The following SNTG1 variants were observed in gnomAD, a reference collection of about 807,000 sequenced individuals.
SNTG1 encodes gamma-1-syntrophin.
In SNTG1, 39 loss-of-function variants were observed where a neutral mutation model predicts 74.7. That is an observed-to-expected ratio of 0.52 (90% confidence interval 0.40 to 0.68). SNTG1 has a LOEUF of 0.68. Among genes scored for constraint, SNTG1 ranks in the 30% least tolerant of loss-of-function variants. The pLI is 0.00. For synonymous variants in SNTG1, 254 were observed against 217.1 expected (o/e 1.17, Z -1.49); for missense variants, 685 against 609.5 (o/e 1.12, Z -1.30).
chr8:50,638,290 G>A (rs2095051456), intron 13 of SNTG1, among the ~76,000 whole-genome samples: 1 of 152,078 alleles, frequency 6.6e-6, no homozygotes, highest in Non-Finnish European at 1.5e-5. Context: ...TAATACATTT[G>A]TGCTGTTATA....
At chr8:50,777,890 C>T (rs968418390) in intron 18 of SNTG1, among the ~76,000 whole-genome samples, 2 of 151,916 alleles carry the variant, frequency 1.3e-5, no homozygotes, top group African/African-American at 4.8e-5. Flanking sequence ...GTGTGATGTT[C>T]CCCTTCCTGT....
At chr8:50,023,505 G>C (rs75488326) in intron 1 of SNTG1, among the ~76,000 whole-genome samples, 9 of 152,088 alleles carry the variant, frequency 5.9e-5, no homozygotes, top group African/African-American at 2.2e-4. Context: ...CGATCAGTAT[G>C]AGGTTCAGAG....
At chr8:50,306,729 T>A (rs577032736) in intron 2 of SNTG1, among the ~76,000 whole-genome samples, 22 of 152,096 alleles carry the variant, frequency 1.4e-4, no homozygotes, top group African/African-American at 5.1e-4. Flanking sequence ...TTTGCCTACT[T>A]TTTGATGGAT....
intron 2 of SNTG1, among the ~76,000 whole-genome samples, chr8:50,254,828 G>A: frequency 6.8e-6 from 1 of 147,092 alleles, no homozygotes; most frequent in Non-Finnish European, 1.5e-5. Flanking sequence ...ACTCCAGCCT[G>A]GGCGACAGAG....
At chr8:50,365,479 C>G (rs1468481124) in intron 2 of SNTG1, among the ~76,000 whole-genome samples, 2 of 151,940 alleles carry the variant, frequency 1.3e-5, no homozygotes, top group Non-Finnish European at 2.9e-5. Flanking sequence ...TATAAACTTT[C>G]CCTTTGAAAT....
At chr8:50,600,897 C>T (rs565299225) in intron 13 of SNTG1, among the ~76,000 whole-genome samples, 218 of 151,310 alleles carry the variant, frequency 1.4e-3, no homozygotes, top group African/African-American at 5.0e-3. Context: ...TAGCTGGGCA[C>T]GGTGGCTCAC....
At chr8:50,470,220 C>A (rs1049140917) in intron 8 of SNTG1, among the ~76,000 whole-genome samples, 8 of 152,214 alleles carry the variant, frequency 5.3e-5, no homozygotes, top group Non-Finnish European at 1.0e-4. Flanking sequence ...TTTAGCCGAA[C>A]CTAATACTCC....
Position 50,741,253 on chromosome 8 carries a change from G to A in SNTG1, c.1285-10748G>A, listed in dbSNP as rs142732900. Among the ~76,000 whole-genome samples, 954 of 152,020 alleles carry A rather than the reference G, an allele frequency of 6.3e-3. 4 individuals are homozygous for A. The highest frequency in any genetic ancestry group is 0.011 in the Admixed American group (165 of 15,242). On this transcript the variant is annotated intron_variant, in intron 17 of 18. Transcript: ENST00000642720. Reference sequence around the variant, plus strand: ...AATTCTTCTTCCTCAGCCTCCTGAGGCTGGCATTACAGGTGTGTGCCACCA... The same window carrying A: ...AATTCTTCTTCCTCAGCCTCCTGAGACTGGCATTACAGGTGTGTGCCACCA...
intron 1 of SNTG1, among the ~76,000 whole-genome samples, chr8:50,008,477 G>A (rs1815461603): frequency 6.6e-6 from 1 of 152,102 alleles, no homozygotes; most frequent in Non-Finnish European, 1.5e-5. Context: ...ATTATGTAAA[G>A]TTTATTACGG....
At chr8:50,739,273 A>C (rs2095537027) in intron 17 of SNTG1, among the ~76,000 whole-genome samples, 1 of 152,098 alleles carries the variant, frequency 6.6e-6, no homozygotes, top group South Asian at 2.1e-4. Flanking sequence ...AGACACTCTC[A>C]AAAAAAGACA....
intron 2 of SNTG1, among the ~76,000 whole-genome samples, chr8:50,269,748 A>G (rs2087678506): frequency 6.6e-6 from 1 of 152,166 alleles, no homozygotes; most frequent in Non-Finnish European, 1.5e-5. Context: ...AGAGAAAAAA[A>G]ACAGAGTTTT....
chr8:50,595,473 CA>C (rs2094721214), intron 13 of SNTG1, among the ~76,000 whole-genome samples: 1 of 151,916 alleles, frequency 6.6e-6, no homozygotes, highest in Admixed American at 6.6e-5. Context: ...TTATGTATTA[CA>C]GTTAAAATAA....
Position 50,212,120 on chromosome 8 carries a change from T to C in SNTG1, c.-28+39485T>C, listed in dbSNP as rs190982744. Among the ~76,000 whole-genome samples the C allele has an allele frequency of 1.6e-4, 25 of 152,256 alleles. No homozygotes were observed. The East Asian group carries it at 3.7e-3, about 22-fold the overall frequency. ...CTTTCTCTCAAAACTGGTTTTTTTT[T>C]CTCTCATTTTCTTCATCAGCGGACT... On this transcript the variant is annotated intron_variant, in intron 2 of 18. Coordinates refer to ENST00000642720, the MANE Select transcript of SNTG1 (RefSeq NM_018967.5).
chr8:50,445,801 G>A (rs1383094535), intron 5 of SNTG1, among the ~76,000 whole-genome samples: 2 of 152,154 alleles, frequency 1.3e-5, no homozygotes, highest in Admixed American at 6.5e-5. Flanking sequence ...GGTGATGAAA[G>A]CCTTGCCTGG....
At chr8:50,706,444 C>A (rs73571214) in intron 16 of SNTG1, among the ~76,000 whole-genome samples, 372 of 152,160 alleles carry the variant, frequency 2.4e-3, no homozygotes, top group African/African-American at 8.6e-3. Context: ...TAGTCCACTT[C>A]GCTTGGAAAC....
chr8:49,947,502 C>T (rs951149974), intron 1 of SNTG1, among the ~76,000 whole-genome samples: 11 of 152,140 alleles, frequency 7.2e-5, no homozygotes, highest in Admixed American at 6.5e-4. Flanking sequence ...CTGATACACA[C>T]GTACACAGTA....
intron 17 of SNTG1, among the ~76,000 whole-genome samples, chr8:50,729,737 C>T (rs1184217558): frequency 6.6e-6 from 1 of 152,076 alleles, no homozygotes; most frequent in Non-Finnish European, 1.5e-5. Context: ...GGAGGATAGG[C>T]AAGAAGGATA....
At chr8:50,311,318 T>C (rs189135051) in intron 2 of SNTG1, among the ~76,000 whole-genome samples, 12 of 152,274 alleles carry the variant, frequency 7.9e-5, no homozygotes, top group Admixed American at 5.9e-4. Flanking sequence ...TGTGCCACTT[T>C]AGGAAAGGTT....
At chr8:50,064,842 C>T (rs980275885) in intron 1 of SNTG1, among the ~76,000 whole-genome samples, 2 of 152,148 alleles carry the variant, frequency 1.3e-5, no homozygotes, top group African/African-American at 2.4e-5. Flanking sequence ...GTCTGAAATA[C>T]CCTGCAACCC....
Sources: allele counts gnomAD v4.1 joint callset (sites outside exome capture counted in the v4.1 genomes callset), GRCh38; gene constraint gnomAD v4.1.1; transcripts MANE v1.5; gene names NCBI Gene and HGNC (gene_info 2026-07-23, HGNC 2026-07-21).